The following CDH20 variants were observed in gnomAD, a reference collection of about 807,000 sequenced individuals.
CDH20 encodes the protein cadherin-20.
In CDH20, 29 loss-of-function variants were observed where a neutral mutation model predicts 74.2. The observed-to-expected ratio is 0.39, with a 90% CI of 0.29 to 0.53. The LOEUF (loss-of-function observed/expected upper bound fraction) is 0.53. Ranked by LOEUF, CDH20 falls within the 20% of genes least tolerant of loss-of-function variation. The pLI is 0.69. For missense variants in CDH20, 988 were observed against 1,048.3 expected (o/e 0.94, Z 0.79); for synonymous variants, 469 against 405.4 (o/e 1.16, Z -1.88).
At chr18:61,388,478 A>G (rs145856941) in intron 1 of CDH20, among the ~76,000 whole-genome samples, 1 of 152,302 alleles carries the variant, frequency 6.6e-6, no homozygotes, top group East Asian at 1.9e-4. Flanking sequence ...ATCTGTCTCA[A>G]TCTGAAGATT....
chr18:61,358,189 AC>A (rs1910560214), intron 1 of CDH20, among the ~76,000 whole-genome samples: 2 of 145,808 alleles, frequency 1.4e-5, no homozygotes, highest in African/African-American at 5.1e-5. Flanking sequence ...ATGTCTGCTC[AC>A]TGCAAGCTCT....
chr18:61,478,923 A>G (rs1910489701), intron 1 of CDH20, among the ~76,000 whole-genome samples: 1 of 152,004 alleles, frequency 6.6e-6, no homozygotes, highest in Non-Finnish European at 1.5e-5. Flanking sequence ...TGAAACTGCA[A>G]TTGAAAGACA....
At chr18:61,552,882 C>T (rs1397274206) in intron 11 of CDH20, among the ~76,000 whole-genome samples, 1 of 152,184 alleles carries the variant, frequency 6.6e-6, no homozygotes, top group East Asian at 1.9e-4. Context: ...ACACTCCAAC[C>T]TTTCAGGCTC....
intron 1 of CDH20, among the ~76,000 whole-genome samples, chr18:61,347,616 A>G (rs1910174173): frequency 6.6e-6 from 1 of 152,120 alleles, no homozygotes; most frequent in African/African-American, 2.4e-5. Flanking sequence ...CTCTGGTTCC[A>G]AGGCAAATTG....
At chr18:61,530,606 G>T (rs1020824628) in intron 7 of CDH20, among the ~76,000 whole-genome samples, 1 of 152,160 alleles carries the variant, frequency 6.6e-6, no homozygotes, top group Non-Finnish European at 1.5e-5. Flanking sequence ...CTAGAAAGTT[G>T]ATGGTGTGTT....
intron 1 of CDH20, among the ~76,000 whole-genome samples, chr18:61,483,402 CACTGTTTGTTTCTTTGTAAACTGAGGA>C (rs1046567091): frequency 6.6e-6 from 1 of 152,180 alleles, no homozygotes; most frequent in Admixed American, 6.5e-5. Context: ...CCCACCACCT[CACTGTTTGTTTCTTTGTAAACTGAGGA>C]AACAAAACAT....
intron 1 of CDH20, among the ~76,000 whole-genome samples, chr18:61,412,903 G>A (rs2159595): frequency 0.34 from 52,040 of 151,916 alleles, 9,355 homozygotes; most frequent in East Asian, 0.54. Flanking sequence ...TCTCTGGGTC[G>A]GGTAGGAAAG....
Position 61,503,265 on chromosome 18 carries a change from G to A in CDH20, c.829+145G>A, listed in dbSNP as rs1568167393. ...TTCTTACATTCATCATGCAATTCTC[G>A]CATAACTATTTGCCTTCAGTGTTCC... On this transcript the variant is annotated intron_variant, in intron 5 of 11. Transcript: ENST00000262717. The A allele has an allele frequency of 7.7e-5, 44 of 573,884 alleles. No homozygotes were observed. In the East Asian group the frequency reaches 1.2e-3, roughly 16 times the overall value. 35.5% of individuals were successfully genotyped at this position (573,884 alleles called of 1,614,324 possible).
intron 1 of CDH20, among the ~76,000 whole-genome samples, chr18:61,452,007 A>T (rs1909404328): frequency 6.6e-6 from 1 of 152,156 alleles, no homozygotes; most frequent in Non-Finnish European, 1.5e-5. Context: ...TGATTCAATC[A>T]TTATAGCTTT....
At chr18:61,477,819 T>C (rs1353189049) in intron 1 of CDH20, among the ~76,000 whole-genome samples, 2 of 152,118 alleles carry the variant, frequency 1.3e-5, no homozygotes, top group East Asian at 1.9e-4. Flanking sequence ...GAAACATTGG[T>C]TAGCTTAGTT....
intron 11 of CDH20, among the ~76,000 whole-genome samples, chr18:61,552,856 T>C (rs9319983): frequency 0.38 from 57,039 of 152,072 alleles, 11,206 homozygotes; most frequent in East Asian, 0.61. Context: ...GTCTCCAACC[T>C]GCATCAATCC....
At chr18:61,507,720 C>T (rs1911625943) in intron 6 of CDH20, among the ~76,000 whole-genome samples, 160 bp downstream of exon 6, 1 of 151,394 alleles carries the variant, frequency 6.6e-6, no homozygotes, top group African/African-American at 2.4e-5. Flanking sequence ...AACCTCTTAA[C>T]CCTTATGTTT....
intron 1 of CDH20, among the ~76,000 whole-genome samples, chr18:61,395,451 T>C (rs980449395): frequency 6.6e-6 from 1 of 152,222 alleles, no homozygotes; most frequent in African/African-American, 2.4e-5. Flanking sequence ...TCTTGGTCGA[T>C]GCCTTCCATA....
At chr18:61,411,212 T>G (rs1465873297) in intron 1 of CDH20, among the ~76,000 whole-genome samples, 16 of 138,748 alleles carry the variant, frequency 1.2e-4, no homozygotes, top group Non-Finnish European at 2.0e-4. Context: ...AAAAAAAAAA[T>G]GTATATGGCA....
At chr18:61,429,818 T>C (rs1913192100) in intron 1 of CDH20, among the ~76,000 whole-genome samples, 1 of 152,226 alleles carries the variant, frequency 6.6e-6, no homozygotes, top group African/African-American at 2.4e-5. Context: ...TAAACAGTGA[T>C]GGTTTACGAT....
chr18:61,511,354 G>A (rs1198585041), intron 6 of CDH20, among the ~76,000 whole-genome samples: 1 of 151,794 alleles, frequency 6.6e-6, no homozygotes, highest in Admixed American at 6.6e-5. Context: ...TTGTTGTTTT[G>A]TTTTGTTTTT....
rs144096386 is a variant in CDH20 at position 61,408,502 on chromosome 18, G to A, written c.-153+74675G>A. Among the ~76,000 whole-genome samples, 31 of 152,220 alleles carry A rather than the reference G, an allele frequency of 2.0e-4. 1 individual carries two copies. The highest frequency in any genetic ancestry group is 3.4e-3 in the Middle Eastern group (1 of 294). The stretch of plus-strand genomic sequence containing the variant: ...AGCTCCCTCTGAGAAAGCAGTGAGC[G>A]TTGATCAATGTTATAATGAACGATA... On this transcript the variant is annotated intron_variant, in intron 1 of 11. Transcript: ENST00000262717.
rs192394221 is a variant in CDH20 at position 61,538,667 on chromosome 18, G to A, written c.1409-357G>A. Reference sequence around the variant, plus strand: ...GGAGTCTTACTCTTTTGCCCAGGCCGGACTGCAGTGGTGCTATCTCTGCTC... The same window carrying A: ...GGAGTCTTACTCTTTTGCCCAGGCCAGACTGCAGTGGTGCTATCTCTGCTC... On this transcript the variant is annotated intron_variant, in intron 8 of 11. Transcript: ENST00000262717. 5.0e-4 allele frequency among the ~76,000 whole-genome samples: 64 copies of A among 126,936 alleles called. 1 individual carries two copies. The East Asian group carries it at 0.012, about 23-fold the overall frequency. 83.3% of individuals were successfully genotyped at this position (126,936 alleles called of 152,430 possible). A position where few individuals can be genotyped will look rare whatever the true frequency, so the allele number is the denominator to read the frequency against.
rs200656806 is a variant in CDH20 at position 61,347,351 on chromosome 18, C to CAT, written c.-153+13534_-153+13535dup. 1.7e-3 allele frequency among the ~76,000 whole-genome samples: 185 copies of CAT among 109,632 alleles called. 2 individuals are homozygous for CAT. The highest frequency in any genetic ancestry group is 5.9e-3 in the African/African-American group (167 of 28,124). 71.9% of individuals were successfully genotyped at this position (109,632 alleles called of 152,430 possible). ...ACACACACACACACACACACACACA[C>CAT]ATATATATATACACAAAAATTAGCC... On this transcript the variant is annotated intron_variant, in intron 1 of 11. Transcript: ENST00000262717.
Sources: gnomAD v4.1 joint callset for allele counts (sites outside exome capture counted in the v4.1 genomes callset) on GRCh38, gnomAD v4.1.1 for gene constraint, MANE v1.5 for transcripts, NCBI Gene and HGNC (gene_info 2026-07-23, HGNC 2026-07-21) for gene names.